The following ANKRD12 variants were observed in gnomAD, a reference collection of about 807,000 sequenced individuals.
The protein encoded by ANKRD12 is ankyrin repeat domain 12.
Under a neutral mutation model 183.4 loss-of-function variants are expected in ANKRD12, and 85 were observed. The ratio of observed to expected loss-of-function variants is 0.46; its 90% CI spans 0.39 to 0.56. The LOEUF (loss-of-function observed/expected upper bound fraction) is 0.56. Ranked by LOEUF, ANKRD12 falls within the 20% of genes least tolerant of loss-of-function variation. The pLI, the probability that ANKRD12 is intolerant of heterozygous loss-of-function variation, is 0.00. For missense variants in ANKRD12, 2,405 were observed against 2,357.1 expected (o/e 1.02, Z -0.42); for synonymous variants, 914 against 800.2 (o/e 1.14, Z -2.40).
Position 9,180,866 on chromosome 18 carries a change from C to A in ANKRD12, c.-51-1516C>A, listed in dbSNP as rs573540434. Reference sequence around the variant, plus strand: ...ACTCCTTTAGTTCACTAACAACTTGCTTTGCTTCATCTACAAAGGAGACAT... The same window carrying A: ...ACTCCTTTAGTTCACTAACAACTTGATTTGCTTCATCTACAAAGGAGACAT... On this transcript the variant is annotated intron_variant, in intron 1 of 12. Coordinates refer to ENST00000262126, the MANE Select transcript of ANKRD12 (RefSeq NM_015208.5). Among the ~76,000 whole-genome samples the A allele has an allele frequency of 2.6e-5, 4 of 152,136 alleles. No individual in the cohort carries two copies. The South Asian group carries it at 8.3e-4, about 31-fold the overall frequency.
At chr18:9,258,977 A>G (rs1243674319) in intron 9 of ANKRD12, 46 bp downstream of exon 9, 2 of 1,532,044 alleles carry the variant, frequency 1.3e-6, no homozygotes, top group African/African-American at 2.8e-5. Context: ...ACTGCCCAAT[A>G]GAAGTATAAT....
intron 5 of ANKRD12, among the ~76,000 whole-genome samples, chr18:9,210,353 C>T (rs2035724343): frequency 6.6e-6 from 1 of 152,040 alleles, no homozygotes; most frequent in African/African-American, 2.4e-5. Flanking sequence ...ATAGATAAGG[C>T]CCTTTTCTTT....
At chr18:9,178,185 G>T (rs2033426564) in intron 1 of ANKRD12, among the ~76,000 whole-genome samples, 1 of 152,078 alleles carries the variant, frequency 6.6e-6, no homozygotes, top group African/African-American at 2.4e-5. Context: ...ACCTATTTAA[G>T]AAATCTTTGT....
rs1431519609 is a variant in ANKRD12 at position 9,255,259 on chromosome 18, G to A, written c.1992G>A (p.Lys664=). Reference sequence around the variant, plus strand: ...AGCATAAAGAGAGGGAAAAAGAAAAGCATAAAAAAGAAATTGAAGGTGAAA... The same window carrying A: ...AGCATAAAGAGAGGGAAAAAGAAAAACATAAAAAAGAAATTGAAGGTGAAA... The part of the protein sequence containing the change: ...KLKHKEREKE[K]HKKEIEGEKE... Residue 664 remains lysine (K), a synonymous_variant, in exon 9 of 13, where the codon AAG becomes AAA. Transcript: ENST00000262126. 1.9e-6 allele frequency: 3 copies of A among 1,563,350 alleles called. No individual in the cohort carries two copies. The highest frequency in any genetic ancestry group is 2.6e-6 in the Non-Finnish European group (3 of 1,163,236).
intron 6 of ANKRD12, among the ~76,000 whole-genome samples, chr18:9,214,314 A>G (rs1376669374): frequency 6.6e-6 from 1 of 152,174 alleles, no homozygotes; most frequent in Non-Finnish European, 1.5e-5. Context: ...CAGAATCAGG[A>G]GAAATGTAAA....
intron 8 of ANKRD12, among the ~76,000 whole-genome samples, chr18:9,226,607 A>AT (rs1421509354): frequency 6.6e-6 from 1 of 151,914 alleles, no homozygotes; most frequent in Non-Finnish European, 1.5e-5. Context: ...GTTTTTACAT[A>AT]CCCTTTTCAC....
rs2040196959 is a variant in ANKRD12, at chr18:9,285,264, C to T, written c.*4138C>T. The T allele has an allele frequency of 6.7e-6, 1 of 150,342 alleles. No individual in the cohort carries two copies. Among genetic ancestry groups the T allele is most frequent in the Admixed American group, 6.6e-5 (1 of 15,070 alleles). The allele number at this position is 150,342 out of a possible 1,614,324, so 9.3% of individuals were successfully genotyped here. On this transcript the variant is annotated 3_prime_UTR_variant, in exon 13 of 13. Transcript: ENST00000262126. ...AGGCCAATATGGTGAAACCCTTTCT[C>T]TACTAAAAATACAAAAATTAGCCAA...
chr18:9,153,630 A>G (rs1255720865), intron 1 of ANKRD12, among the ~76,000 whole-genome samples: 1 of 151,842 alleles, frequency 6.6e-6, no homozygotes, highest in Non-Finnish European at 1.5e-5. Flanking sequence ...CATTTTTTCA[A>G]ATATTTTGTT....
intron 8 of ANKRD12, among the ~76,000 whole-genome samples, chr18:9,223,445 T>C (rs1331112455): frequency 6.6e-6 from 1 of 150,980 alleles, no homozygotes. Context: ...CCCGTCTCTA[T>C]GAAAAATACA....
At chr18:9,162,234 C>T (rs1017890744) in intron 1 of ANKRD12, among the ~76,000 whole-genome samples, 5 of 151,488 alleles carry the variant, frequency 3.3e-5, no homozygotes, top group African/African-American at 1.2e-4. Flanking sequence ...TTGTCCCCCC[C>T]CACCCCAATA....
chr18:9,215,649 G>A (rs941339732), intron 6 of ANKRD12, among the ~76,000 whole-genome samples: 11 of 152,114 alleles, frequency 7.2e-5, no homozygotes, highest in Admixed American at 4.6e-4. Context: ...TGTCATGAAA[G>A]TCTGGAAGGA....
chr18:9,190,644 A>G (rs8085669), intron 2 of ANKRD12, among the ~76,000 whole-genome samples: 16,673 of 152,202 alleles, frequency 0.11, 1,075 homozygotes, highest in African/African-American at 0.16. Context: ...CACCCCAACC[A>G]TCAAAAATTG....
At chr18:9,162,951 A>G (rs757364032) in intron 1 of ANKRD12, among the ~76,000 whole-genome samples, 14 of 152,120 alleles carry the variant, frequency 9.2e-5, no homozygotes, top group Admixed American at 2.6e-4. Flanking sequence ...AATGTTTGTC[A>G]GATGCACAGA....
rs1419781477 is a variant in ANKRD12, at chr18:9,283,317, C to T, written c.*2191C>T. The T allele has an allele frequency of 6.6e-6, 1 of 152,160 alleles. No homozygotes were observed. Among genetic ancestry groups the T allele is most frequent in the Non-Finnish European group, 1.5e-5 (1 of 68,006 alleles). The allele number at this position is 152,160 out of a possible 1,614,324, so 9.4% of individuals were successfully genotyped here. On this transcript the variant is annotated 3_prime_UTR_variant, in exon 13 of 13. Coordinates refer to ENST00000262126, the MANE Select transcript of ANKRD12 (RefSeq NM_015208.5). ...ATCTGGTGAATTTTAGTCATCCCAG[C>T]TTTTTAGTCTTAACCACAGTTCTCA...
At chr18:9,223,885 G>A (rs1036051409) in intron 8 of ANKRD12, among the ~76,000 whole-genome samples, 16 of 152,100 alleles carry the variant, frequency 1.1e-4, no homozygotes, top group Admixed American at 2.6e-4. Flanking sequence ...TCTGTGTTCA[G>A]TAAAAGTTCA....
rs764830872 is a variant in ANKRD12, at chr18:9,263,797, C to A, written c.5672C>A (p.Pro1891Gln). The change falls in exon 10 of 13, where the codon CCA becomes CAA. Residue 1891 changes from proline to glutamine, a missense_variant. This residue lies in a region of ANKRD12 where 162 missense variants were observed against 272.2 expected (regional missense o/e 0.60). Coordinates refer to ENST00000262126, the MANE Select transcript of ANKRD12 (RefSeq NM_015208.5). ...LSKICIPTIT[P>Q]PPSLSDPLKE... The stretch of plus-strand genomic sequence containing the variant: ...ATATATCTTTTTAATTAGATTACAC[C>A]ACCACCTTCACTGTCAGATCCACTT... The A allele has an allele frequency of 6.4e-7, 1 of 1,553,636 alleles. No homozygotes were observed.
chr18:9,239,746 C>T (rs1223069437), intron 8 of ANKRD12, among the ~76,000 whole-genome samples: 12 of 152,150 alleles, frequency 7.9e-5, no homozygotes, highest in Admixed American at 7.9e-4. Flanking sequence ...AGCCAGATAG[C>T]ATTATCTAAT....
rs2038497721 is a variant in ANKRD12 at position 9,254,701 on chromosome 18, T to C, written c.1434T>C (p.Asn478=). The C allele has an allele frequency of 6.6e-7, 1 of 1,507,528 alleles. No individual in the cohort carries two copies. The highest frequency in any genetic ancestry group is 1.4e-5 in the South Asian group (1 of 73,536). 93.4% of individuals were successfully genotyped at this position (1,507,528 alleles called of 1,614,324 possible). Residue 478 remains asparagine, a synonymous_variant, in exon 9 of 13, where the codon AAT becomes AAC. Transcript: ENST00000262126. ...GCAAAGTTAAAAGAAAATTGAAAAATCAGAATAAAAATAAAGAGAACCAAG... is the reference window on the plus strand; with the variant it reads ...GCAAAGTTAAAAGAAAATTGAAAAACCAGAATAAAAATAAAGAGAACCAAG... The part of the protein sequence containing the change: ...QKGKVKRKLK[N]QNKNKENQEL...
At chr18:9,147,376 TTATAA>T (rs1389588836) in intron 1 of ANKRD12, among the ~76,000 whole-genome samples, 19 of 152,244 alleles carry the variant, frequency 1.2e-4, no homozygotes, top group Admixed American at 1.2e-3. Flanking sequence ...TTTATAATTG[TTATAA>T]TATGTTGCAA....
Sources: allele counts gnomAD v4.1 joint callset (sites outside exome capture counted in the v4.1 genomes callset), GRCh38; gene constraint gnomAD v4.1.1; regional missense constraint gnomAD v4.1.1; transcripts MANE v1.5; gene names NCBI Gene and HGNC (gene_info 2026-07-23, HGNC 2026-07-21).